Variants in CDH13 observed in about 807,000 individuals in gnomAD.
CDH13 encodes the protein cadherin-13.
In CDH13, 24 loss-of-function variants were observed where a neutral mutation model predicts 63.8. The observed-to-expected ratio is 0.38, with a 90% CI of 0.27 to 0.53. The LOEUF is 0.53. Ranked by LOEUF, CDH13 falls within the 20% of genes least tolerant of loss-of-function variation. The pLI is 0.85. For synonymous variants in CDH13, 503 were observed against 355.3 expected (o/e 1.42, Z -4.67); for missense variants, 1,049 against 903.1 (o/e 1.16, Z -2.07).
chr16:82,668,373 A>G (rs558565128), intron 1 of CDH13, among the ~76,000 whole-genome samples: 1 of 152,112 alleles, frequency 6.6e-6, no homozygotes, highest in Non-Finnish European at 1.5e-5. Context: ...CTAAGCTGTT[A>G]TTGGTTCTAG....
At chr16:83,240,025 A>C (rs1904308646) in intron 5 of CDH13, among the ~76,000 whole-genome samples, 1 of 152,192 alleles carries the variant, frequency 6.6e-6, no homozygotes, top group African/African-American at 2.4e-5. Flanking sequence ...ACAGGTGTAC[A>C]GCCAGCAAGA....
At position 82,742,863 on chromosome 16, in the gene CDH13, C is replaced by T. The variant is rs7188561; in HGVS notation, c.46-115499C>T. Reference sequence around the variant, plus strand: ...ACATCTCAAAAATATACTGAAAATCCCTCCATGAGTCCATTAAAAACAAAT... The same window carrying T: ...ACATCTCAAAAATATACTGAAAATCTCTCCATGAGTCCATTAAAAACAAAT... On this transcript the variant is annotated intron_variant, in intron 1 of 13. Coordinates refer to ENST00000567109, the MANE Select transcript of CDH13 (RefSeq NM_001257.5). Among the ~76,000 whole-genome samples the T allele has an allele frequency of 7.4e-3, 1,127 of 152,084 alleles. 15 individuals carry two copies. Among genetic ancestry groups the T allele is most frequent in the African/African-American group, 0.024 (1,016 of 41,496 alleles).
intron 7 of CDH13, among the ~76,000 whole-genome samples, chr16:83,488,688 G>C (rs555617401): frequency 3.2e-4 from 48 of 151,896 alleles, no homozygotes; most frequent in Middle Eastern, 3.4e-3. Flanking sequence ...GCAGTGGCAC[G>C]ATCTCAGCTC....
intron 2 of CDH13, among the ~76,000 whole-genome samples, chr16:83,002,228 G>A (rs917290188): frequency 6.6e-6 from 1 of 152,198 alleles, no homozygotes; most frequent in African/African-American, 2.4e-5. Flanking sequence ...TTATCTGGGT[G>A]AGCCCTAAAT....
At chr16:83,117,123 TA>T (rs2035342080) in intron 3 of CDH13, among the ~76,000 whole-genome samples, 1 of 152,224 alleles carries the variant, frequency 6.6e-6, no homozygotes, top group Admixed American at 6.5e-5. Context: ...ACAAAGCAGC[TA>T]TGATCTGTTT....
intron 3 of CDH13, among the ~76,000 whole-genome samples, chr16:83,109,407 G>T (rs935769208): frequency 6.6e-6 from 1 of 152,160 alleles, no homozygotes; most frequent in Admixed American, 6.6e-5. Flanking sequence ...GGGAAGGGCC[G>T]GATTTTCAGT....
intron 8 of CDH13, among the ~76,000 whole-genome samples, chr16:83,669,815 C>T (rs145614474): frequency 1.9e-4 from 29 of 152,302 alleles, no homozygotes; most frequent in Non-Finnish European, 3.2e-4. Context: ...AATTGAAATT[C>T]CAAGATATTT....
At chr16:83,708,510 T>C (rs1179813915) in intron 10 of CDH13, among the ~76,000 whole-genome samples, 2 of 152,208 alleles carry the variant, frequency 1.3e-5, no homozygotes, top group East Asian at 1.9e-4. Flanking sequence ...TTCTCTATCA[T>C]GAGTGTCCTC....
chr16:83,566,807 G>A (rs1390308015), intron 7 of CDH13, among the ~76,000 whole-genome samples: 1 of 152,132 alleles, frequency 6.6e-6, no homozygotes, highest in Non-Finnish European at 1.5e-5. Context: ...GCTTCCAGAG[G>A]CAGAATCCCA....
chr16:83,519,136 G>A (rs946599856), intron 7 of CDH13, among the ~76,000 whole-genome samples: 5 of 152,328 alleles, frequency 3.3e-5, no homozygotes, highest in African/African-American at 1.2e-4. Flanking sequence ...TAGGGACTGG[G>A]ACACACTGGA....
At chr16:83,660,304 C>T (rs775264622) in intron 8 of CDH13, among the ~76,000 whole-genome samples, 8 of 152,142 alleles carry the variant, frequency 5.3e-5, no homozygotes, top group South Asian at 2.1e-4. Context: ...TGCAACTAGA[C>T]GGTTCCATCT....
chr16:83,110,957 G>A (rs1220755920), intron 3 of CDH13, among the ~76,000 whole-genome samples: 1 of 140,010 alleles, frequency 7.1e-6, no homozygotes, highest in African/African-American at 2.7e-5. Context: ...ATAAATATCT[G>A]TTGGCTGGAT....
At chr16:83,536,718 G>A (rs1462493230) in intron 7 of CDH13, among the ~76,000 whole-genome samples, 2 of 152,216 alleles carry the variant, frequency 1.3e-5, no homozygotes, top group Non-Finnish European at 2.9e-5. Context: ...TAAGAGAAAT[G>A]TCCACTAGGG....
intron 13 of CDH13, among the ~76,000 whole-genome samples, chr16:83,786,502 A>G (rs140911598): frequency 6.6e-6 from 1 of 152,302 alleles, no homozygotes; most frequent in East Asian, 1.9e-4. Context: ...GATAAATGAA[A>G]GGAAACATAT....
chr16:83,528,134 A>C lies in CDH13; in HGVS notation c.960+41479A>C, dbSNP rs1176559858. 1.2e-4 allele frequency among the ~76,000 whole-genome samples: 18 copies of C among 152,156 alleles called. 1 individual carries two copies. Among genetic ancestry groups the C allele is most frequent in the Non-Finnish European group, 2.6e-4 (18 of 68,032 alleles). On this transcript the variant is annotated intron_variant, in intron 7 of 13. Transcript: ENST00000567109. ...CCAAACTCACACAGCCTCTTTAATA[A>C]TCCTCTTAATAGCAGTGATAACTAA...
intron 3 of CDH13, among the ~76,000 whole-genome samples, chr16:83,082,949 A>T (rs1166979517): frequency 1.3e-5 from 2 of 151,238 alleles, no homozygotes; most frequent in East Asian, 3.9e-4. Flanking sequence ...GTGTGTTTTA[A>T]ACGGTGTCTT....
chr16:83,328,713 T>C (rs976629293), intron 5 of CDH13, among the ~76,000 whole-genome samples: 1 of 152,172 alleles, frequency 6.6e-6, no homozygotes, highest in Non-Finnish European at 1.5e-5. Flanking sequence ...TGGATGTGTA[T>C]AAGGAGCATT....
chr16:82,785,643 A>T, intron 1 of CDH13, among the ~76,000 whole-genome samples: 1 of 152,202 alleles, frequency 6.6e-6, no homozygotes, highest in East Asian at 1.9e-4. Flanking sequence ...GAGATTTGAT[A>T]ATCAGTAAAA....
At chr16:83,149,046 G>C (rs1042730271) in intron 4 of CDH13, among the ~76,000 whole-genome samples, 2 of 152,274 alleles carry the variant, frequency 1.3e-5, no homozygotes, top group Non-Finnish European at 2.9e-5. Context: ...TGTGCATGAA[G>C]TATAGAATCA....
Sources: gnomAD v4.1 joint callset for allele counts (sites outside exome capture counted in the v4.1 genomes callset) on GRCh38, gnomAD v4.1.1 for gene constraint, MANE v1.5 for transcripts, NCBI Gene and HGNC (gene_info 2026-07-23, HGNC 2026-07-21) for gene names.